The following CSMD1 variants were observed in gnomAD, a reference collection of about 807,000 sequenced individuals.
The protein encoded by CSMD1 is CUB and sushi domain-containing protein 1.
Under a neutral mutation model 417.5 loss-of-function variants are expected in CSMD1, and 213 were observed. The observed-to-expected ratio is 0.51, with a 90% CI of 0.46 to 0.57. CSMD1 has a LOEUF of 0.57. Among genes scored for constraint, CSMD1 ranks in the 20% least tolerant of loss-of-function variants. The pLI is 0.00. For synonymous variants in CSMD1, 2,862 were observed against 1,736.8 expected, an observed-to-expected ratio of 1.65 and a Z score of -16.11; for missense variants, 6,923 against 4,529.7, an observed-to-expected ratio of 1.53 and a Z score of -15.17.
At chr8:3,004,096 A>T (rs532337133) in intron 52 of CSMD1, among the ~76,000 whole-genome samples, 4 of 152,082 alleles carry the variant, frequency 2.6e-5, no homozygotes, top group South Asian at 2.1e-4. Context: ...TTTTTTTTTT[A>T]AAGAAATGAA....
chr8:4,093,336 C>T (rs1416103007), intron 3 of CSMD1, among the ~76,000 whole-genome samples: 4 of 151,896 alleles, frequency 2.6e-5, no homozygotes, highest in African/African-American at 9.7e-5. Flanking sequence ...GAAGTAAATA[C>T]AAATGTAGAA....
intron 12 of CSMD1, among the ~76,000 whole-genome samples, chr8:3,446,022 G>T (rs905000617): frequency 6.6e-6 from 1 of 152,110 alleles, no homozygotes; most frequent in African/African-American, 2.4e-5. Context: ...ATACTGTCCC[G>T]GGCCCGGATT....
intron 2 of CSMD1, among the ~76,000 whole-genome samples, chr8:4,583,141 C>A (rs1473080772): frequency 6.6e-6 from 1 of 152,172 alleles, no homozygotes; most frequent in Non-Finnish European, 1.5e-5. Flanking sequence ...GCGGCCCAAG[C>A]CTCCCCAACG....
intron 2 of CSMD1, among the ~76,000 whole-genome samples, chr8:4,573,705 G>C (rs1426671167): frequency 5.3e-5 from 8 of 152,126 alleles, no homozygotes; most frequent in African/African-American, 1.9e-4. Context: ...AGTTAGGTCT[G>C]CTGAAGCTGC....
At chr8:3,345,570 C>G (rs61513460) in intron 22 of CSMD1, among the ~76,000 whole-genome samples, 25,013 of 152,138 alleles carry the variant, frequency 0.16, 2,101 homozygotes, top group Middle Eastern at 0.24. Context: ...TACACCTGTT[C>G]TGTACAACAT....
chr8:3,080,185 C>A (rs1813984042), intron 49 of CSMD1, among the ~76,000 whole-genome samples: 1 of 152,190 alleles, frequency 6.6e-6, no homozygotes, highest in Admixed American at 6.5e-5. Flanking sequence ...CTCTCTTTGA[C>A]CAGGGAACTT....
rs184153914 is a variant in CSMD1 at position 3,274,499 on chromosome 8, T to C, written c.4153+9645A>G. On this transcript the variant is annotated intron_variant, in intron 26 of 69. Coordinates refer to ENST00000635120, the MANE Select transcript of CSMD1 (RefSeq NM_033225.6). Reference sequence around the variant, plus strand: ...GGGTATGCTTGTTGACTTTCTGTCTTGTTGATCTGTCTAAAGTTGACAGTG... The same window carrying C: ...GGGTATGCTTGTTGACTTTCTGTCTCGTTGATCTGTCTAAAGTTGACAGTG... 1.8e-4 allele frequency among the ~76,000 whole-genome samples: 28 copies of C among 152,210 alleles called. No homozygotes were observed. The East Asian group carries it at 3.7e-3, about 20-fold the overall frequency.
intron 43 of CSMD1, among the ~76,000 whole-genome samples, chr8:3,109,039 C>T (rs1179975838): frequency 6.6e-6 from 1 of 152,130 alleles, no homozygotes; most frequent in African/African-American, 2.4e-5. Flanking sequence ...CCAAGGCAGG[C>T]AGATCACCTG....
intron 2 of CSMD1, among the ~76,000 whole-genome samples, chr8:4,446,624 G>A (rs1225216305): frequency 1.3e-5 from 2 of 152,114 alleles, no homozygotes; most frequent in East Asian, 1.9e-4. Context: ...CGCGATCTCA[G>A]CTCACTGCAA....
intron 2 of CSMD1, among the ~76,000 whole-genome samples, chr8:4,633,526 G>A (rs892119456): frequency 3.3e-5 from 5 of 151,372 alleles, no homozygotes; most frequent in African/African-American, 1.2e-4. Flanking sequence ...TGGGATTACA[G>A]GTAAGAGCCG....
intron 5 of CSMD1, among the ~76,000 whole-genome samples, chr8:3,910,218 T>G (rs773920039): frequency 8.5e-5 from 13 of 152,072 alleles, no homozygotes; most frequent in Non-Finnish European, 2.9e-5. Flanking sequence ...GTTCATGCAG[T>G]TCAGTGAATT....
chr8:4,740,450 T>A (rs1298886828), intron 1 of CSMD1, among the ~76,000 whole-genome samples: 1 of 152,196 alleles, frequency 6.6e-6, no homozygotes, highest in Non-Finnish European at 1.5e-5. Context: ...AATGCAATCC[T>A]AGGGTAGAGA....
rs7818678 is a variant in CSMD1, at chr8:4,548,748, T to G, written c.302+88594A>C. ...TGTCAAGGTAATTACAGAACCGCTT[T>G]GAAAGCAGCTGCATTCCCAGGTGCC... On this transcript the variant is annotated intron_variant, in intron 2 of 69. Coordinates refer to ENST00000635120, the MANE Select transcript of CSMD1 (RefSeq NM_033225.6). Among the ~76,000 whole-genome samples, 550 of 152,270 alleles carry G rather than the reference T, an allele frequency of 3.6e-3. 3 individuals carry two copies. Among genetic ancestry groups the G allele is most frequent in the African/African-American group, 0.013 (538 of 41,556 alleles).
chr8:3,170,319 C>T lies in CSMD1; in HGVS notation c.5726-8042G>A, dbSNP rs551214091. On this transcript the variant is annotated intron_variant, in intron 37 of 69. Coordinates refer to ENST00000635120, the MANE Select transcript of CSMD1 (RefSeq NM_033225.6). Reference sequence around the variant, plus strand: ...GCCTCCCGGGTTCACACCATTCTCCCGCCTCAGCCTCCCGAGTAGCTGGGA... The same window carrying T: ...GCCTCCCGGGTTCACACCATTCTCCTGCCTCAGCCTCCCGAGTAGCTGGGA... 8.1e-3 allele frequency among the ~76,000 whole-genome samples: 1,233 copies of T among 152,244 alleles called. 56 individuals carry two copies. The highest frequency in any genetic ancestry group is 0.07 in the Admixed American group (1,072 of 15,292).
At chr8:4,411,823 A>T (rs1462114274) in intron 3 of CSMD1, among the ~76,000 whole-genome samples, 1 of 152,188 alleles carries the variant, frequency 6.6e-6, no homozygotes, top group Non-Finnish European at 1.5e-5. Flanking sequence ...CTATGCAAAT[A>T]CTTTTATTTA....
chr8:3,621,684 C>G (rs1358576687), intron 7 of CSMD1, among the ~76,000 whole-genome samples: 1 of 152,002 alleles, frequency 6.6e-6, no homozygotes, highest in African/African-American at 2.4e-5. Flanking sequence ...CCTTCGTCTT[C>G]CATGCTCCAG....
intron 5 of CSMD1, among the ~76,000 whole-genome samples, chr8:3,823,705 C>T (rs1281089255): frequency 6.6e-6 from 1 of 152,076 alleles, no homozygotes; most frequent in Non-Finnish European, 1.5e-5. Flanking sequence ...AACCATTTAA[C>T]TTACGCTTGA....
At chr8:4,444,967 T>G (rs1798696969) in intron 2 of CSMD1, among the ~76,000 whole-genome samples, 1 of 152,220 alleles carries the variant, frequency 6.6e-6, no homozygotes, top group Non-Finnish European at 1.5e-5. Context: ...TCCACTGTGT[T>G]AAAGAAATGT....
chr8:4,185,190 C>G (rs1028372196), intron 3 of CSMD1, among the ~76,000 whole-genome samples: 4 of 125,302 alleles, frequency 3.2e-5, no homozygotes, highest in Non-Finnish European at 7.0e-5. Context: ...CAAAAAGAAA[C>G]ACAAAAATGC....
Sources: allele counts gnomAD v4.1 joint callset (sites outside exome capture counted in the v4.1 genomes callset), GRCh38; gene constraint gnomAD v4.1.1; transcripts MANE v1.5; gene names NCBI Gene and HGNC (gene_info 2026-07-23, HGNC 2026-07-21).